The following TEX14 variants were observed in gnomAD, a reference collection of about 807,000 sequenced individuals.
TEX14 encodes the protein testis expressed 14, intercellular bridge forming factor.
TEX14 carries 168 observed loss-of-function variants against 178.6 expected under a neutral mutation model. The ratio of observed to expected loss-of-function variants is 0.94; its 90% CI spans 0.83 to 1.07. The LOEUF (loss-of-function observed/expected upper bound fraction) is 1.07. TEX14 is among the 50% of genes least tolerant of loss of function. The pLI, the probability that TEX14 is intolerant of heterozygous loss-of-function variation, is 0.00. For synonymous variants in TEX14, 626 were observed against 634.1 expected, an observed-to-expected ratio of 0.99 and a Z score of 0.19; for missense variants, 1,730 against 1,753.6, an observed-to-expected ratio of 0.99 and a Z score of 0.24.
At chr17:58,576,026 G>A (rs527677386) in intron 21 of TEX14, among the ~76,000 whole-genome samples, 1 of 152,300 alleles carries the variant, frequency 6.6e-6, no homozygotes, top group East Asian at 1.9e-4. Flanking sequence ...CCTGGCATAT[G>A]CTAGATATTT....
At chr17:58,574,780 GAATA>G (rs1172027539) in intron 21 of TEX14, among the ~76,000 whole-genome samples, 1 of 149,128 alleles carries the variant, frequency 6.7e-6, no homozygotes, top group African/African-American at 2.5e-5. Context: ...CTCCAGAGTT[GAATA>G]AATACTCTCT....
At chr17:58,619,798 A>G (rs1216222426) in intron 5 of TEX14, among the ~76,000 whole-genome samples, 1 of 98,190 alleles carries the variant, frequency 1.0e-5, no homozygotes, top group South Asian at 2.9e-4. Flanking sequence ...CTCAGTCTCA[A>G]AAAAAAAAAA....
At chr17:58,601,748 T>C in intron 13 of TEX14, 58 bp downstream of exon 13, 1 of 1,509,726 alleles carries the variant, frequency 6.6e-7, no homozygotes, top group Non-Finnish European at 9.1e-7. Context: ...TTGCAGCTCA[T>C]GTGACTCTCA....
intron 14 of TEX14, among the ~76,000 whole-genome samples, chr17:58,595,821 T>C (rs1402957297): frequency 6.6e-6 from 1 of 152,264 alleles, no homozygotes; most frequent in African/African-American, 2.4e-5. Flanking sequence ...ACTATTGTTA[T>C]TTTAAGCCAT....
At chr17:58,602,864 G>A (rs902461751) in intron 11 of TEX14, among the ~76,000 whole-genome samples, 3 of 150,030 alleles carry the variant, frequency 2.0e-5, no homozygotes, top group Non-Finnish European at 3.0e-5. Context: ...TCAAGAGATC[G>A]AGACCGTCCT....
Position 58,622,912 on chromosome 17 carries a change from G to A in TEX14, c.352C>T (p.His118Tyr). Residue 118 changes from histidine (H) to tyrosine (Y), a missense_variant, in exon 4 of 32, where the codon CAC becomes TAC. By Grantham distance (83) the His-to-Tyr change is moderately conservative. Around this residue, in one of 2 missense-constraint regions of TEX14, gnomAD observed 789 missense variants for 681.2 expected, o/e 1.16. Transcript: ENST00000349033. ...TTCGGGTTTTGACCCCTCTCATCGT[G>A]GAGTCGCAGGTCACCTCCTGCATCC... ...LLDAGGDLRLHDERGQNPKTW... is the reference protein window; with the variant it reads ...LLDAGGDLRLYDERGQNPKTW... The A allele has an allele frequency of 6.2e-7, 1 of 1,613,378 alleles. No individual in the cohort carries two copies. Among genetic ancestry groups the A allele is most frequent in the Non-Finnish European group, 8.5e-7 (1 of 1,179,430 alleles).
chr17:58,608,999 G>T (rs1376885233), intron 10 of TEX14, among the ~76,000 whole-genome samples: 1 of 152,238 alleles, frequency 6.6e-6, no homozygotes, highest in Non-Finnish European at 1.5e-5. Flanking sequence ...TTTTAACTCA[G>T]ATTAAAAATG....
chr17:58,596,570 G>A (rs2045287673), intron 14 of TEX14, among the ~76,000 whole-genome samples: 1 of 152,004 alleles, frequency 6.6e-6, no homozygotes, highest in Non-Finnish European at 1.5e-5. Flanking sequence ...ACTGCACCTG[G>A]CTGTGTCTTC....
chr17:58,572,253 AAAAC>A lies in TEX14; in HGVS notation c.3512-131_3512-128del, dbSNP rs10684412. ...GCAGAAATGAATCTTTTACATTATTAAAACAAACAAACAAACAAACAAACAAACA... is the reference window on the plus strand; with the variant it reads ...GCAGAAATGAATCTTTTACATTATTAAAACAAACAAACAAACAAACAAACA... On this transcript the variant is annotated intron_variant, in intron 23 of 31. Coordinates refer to ENST00000349033, the MANE Select transcript of TEX14 (RefSeq NM_031272.5). 499 of 588,278 alleles carry A rather than the reference AAAAC, an allele frequency of 8.5e-4. 2 individuals carry two copies. The highest frequency in any genetic ancestry group is 2.1e-3 in the Admixed American group (72 of 33,920). The allele number at this position is 588,278 out of a possible 1,614,324, so 36.4% of individuals were successfully genotyped here.
intron 6 of TEX14, 133 bp from the exon 7 acceptor site, chr17:58,616,438 C>CCT: frequency 1.2e-6 from 1 of 800,752 alleles, no homozygotes; most frequent in Non-Finnish European, 1.8e-6. Context: ...TGCACTGGGC[C>CCT]TTTTTTTTTT....
intron 29 of TEX14, among the ~76,000 whole-genome samples, chr17:58,560,795 C>T (rs2044257894): frequency 6.6e-6 from 1 of 152,228 alleles, no homozygotes. Flanking sequence ...TGGAGCCCCA[C>T]ATGTGTCCTA....
chr17:58,566,831 G>C (rs977820539), intron 26 of TEX14, among the ~76,000 whole-genome samples: 3 of 150,238 alleles, frequency 2.0e-5, no homozygotes, highest in East Asian at 3.9e-4. Flanking sequence ...AAAAAGAAAA[G>C]ATTGAAAGCA....
intron 22 of TEX14, 142 bp downstream of exon 22, chr17:58,574,042 TAAC>T (rs1373467705): frequency 4.1e-5 from 27 of 665,394 alleles, no homozygotes; most frequent in Non-Finnish European, 6.1e-5. Context: ...ACCAATTTGA[TAAC>T]AACTTTTTGG....
Position 58,639,472 on chromosome 17 carries a change from G to A in TEX14, c.137-8918C>T, listed in dbSNP as rs577531906. Among the ~76,000 whole-genome samples, 46 of 151,990 alleles carry A rather than the reference G, an allele frequency of 3.0e-4. No individual in the cohort carries two copies. The South Asian group carries it at 3.3e-3, about 11-fold the overall frequency. On this transcript the variant is annotated intron_variant, in intron 2 of 31. Transcript: ENST00000349033. Reference sequence around the variant, plus strand: ...TTGCAGCACTTTGGGAGGCCAAGGCGGGAGGATCACCTGAGGTCAGGAGTT... The same window carrying A: ...TTGCAGCACTTTGGGAGGCCAAGGCAGGAGGATCACCTGAGGTCAGGAGTT...
In TEX14 at chr17:58,617,526, G is replaced by A. The variant is rs1260935173; in HGVS notation, c.636+12C>T. On this transcript the variant is annotated intron_variant, in intron 6 of 31. Coordinates refer to ENST00000349033, the MANE Select transcript of TEX14 (RefSeq NM_031272.5). Reference sequence around the variant, plus strand: ...GTCCTGCAAACACTGGCTGTCAGTGGCAACCTCTTACCTTCCCAAAACCAA... The same window carrying A: ...GTCCTGCAAACACTGGCTGTCAGTGACAACCTCTTACCTTCCCAAAACCAA... 1.2e-6 allele frequency: 2 copies of A among 1,607,938 alleles called. No individual in the cohort carries two copies. The highest frequency in any genetic ancestry group is 1.3e-5 in the African/African-American group (1 of 74,858).
At chr17:58,616,333 T>C (rs765592428) in intron 6 of TEX14, 28 bp from the exon 7 acceptor site, 4 of 1,604,998 alleles carry the variant, frequency 2.5e-6, no homozygotes, top group Middle Eastern at 1.7e-4. Context: ...CCTCAAATTA[T>C]GGGGAGAAGG....
intron 10 of TEX14, among the ~76,000 whole-genome samples, chr17:58,610,256 G>A (rs187288458): frequency 6.6e-6 from 1 of 152,334 alleles, no homozygotes; most frequent in East Asian, 1.9e-4. Context: ...TGTAGGAGGT[G>A]TGACAGGCCA....
chr17:58,589,086 G>T (rs1029501029), intron 15 of TEX14, among the ~76,000 whole-genome samples: 3 of 151,778 alleles, frequency 2.0e-5, no homozygotes, highest in African/African-American at 7.3e-5. Context: ...CCAACATGGT[G>T]AAAACTCTAT....
intron 20 of TEX14, among the ~76,000 whole-genome samples, chr17:58,578,807 T>A (rs2044742489): frequency 6.6e-6 from 1 of 152,206 alleles, no homozygotes; most frequent in African/African-American, 2.4e-5. Flanking sequence ...TACAGCTTCT[T>A]AAAATGCTCC....
Sources: allele counts gnomAD v4.1 joint callset (sites outside exome capture counted in the v4.1 genomes callset), GRCh38; gene constraint gnomAD v4.1.1; regional missense constraint gnomAD v4.1.1; transcripts MANE v1.5; gene names NCBI Gene and HGNC (gene_info 2026-07-23, HGNC 2026-07-21).